The following GALNS variants were observed in gnomAD, a reference collection of about 807,000 sequenced individuals.
GALNS encodes N-acetylgalactosamine-6-sulfatase.
In GALNS, 65 loss-of-function variants were observed where a neutral mutation model predicts 65.9. That is an observed-to-expected ratio of 0.99 (90% CI 0.81 to 1.21). GALNS has a LOEUF of 1.21. Among genes scored for constraint, GALNS ranks in the 50% most tolerant of loss-of-function variants. GALNS has a pLI of 0.00. For synonymous variants in GALNS, 346 were observed against 288.9 expected (o/e 1.20, Z -2.00); for missense variants, 776 against 700.7 (o/e 1.11, Z -1.21).
At chr16:88,856,560 T>TGCC in intron 1 of GALNS, 198 bp downstream of exon 1, 2 of 548,316 alleles carry the variant, frequency 3.6e-6, no homozygotes, top group African/African-American at 3.0e-5. Flanking sequence ...CCGAGGGGCC[T>TGCC]CCCCCTCCCC....
At chr16:88,853,498 A>G (rs1967605271) in intron 1 of GALNS, among the ~76,000 whole-genome samples, 1 of 152,164 alleles carries the variant, frequency 6.6e-6, no homozygotes, top group African/African-American at 2.4e-5. Context: ...CTGCTGTGGC[A>G]ACAGGAGCTG....
chr16:88,818,835 G>A (rs112943907), intron 12 of GALNS, among the ~76,000 whole-genome samples: 33 of 152,376 alleles, frequency 2.2e-4, no homozygotes, highest in African/African-American at 7.7e-4. Context: ...TAGCGGAGAT[G>A]CAGGGAGGAA....
At position 88,816,862 on chromosome 16, in the gene GALNS, C is replaced by T. The variant is rs139802777; in HGVS notation, c.1482+1145G>A. On this transcript the variant is annotated intron_variant, in intron 13 of 13. Transcript: ENST00000268695. Reference sequence around the variant, plus strand: ...TGCAGCTGCCGAGGGGCCTTCTTCCCGAATCCTGCGCGGCAGATCCAGGGG... The same window carrying T: ...TGCAGCTGCCGAGGGGCCTTCTTCCTGAATCCTGCGCGGCAGATCCAGGGG... 45 of 985,456 alleles carry T rather than the reference C, an allele frequency of 4.6e-5. No homozygotes were observed. In the African/African-American group the frequency reaches 6.6e-4, roughly 15 times the overall value. The allele number at this position is 985,456 out of a possible 1,614,324, so 61.0% of individuals were successfully genotyped here. A position where few individuals can be genotyped will look rare whatever the true frequency, so the allele number is the denominator to read the frequency against.
At chr16:88,827,069 C>T in intron 9 of GALNS, 1 of 598,710 alleles carries the variant, frequency 1.7e-6, no homozygotes. Flanking sequence ...CACTCCCTGG[C>T]ACCCTTCTCT....
In GALNS at chr16:88,828,442, C is replaced by T. The variant is rs368230329; in HGVS notation, c.1003-1604G>A. 1.8e-4 allele frequency among the ~76,000 whole-genome samples: 27 copies of T among 152,348 alleles called. No individual in the cohort carries two copies. In the East Asian group the frequency reaches 2.3e-3, roughly 13 times the overall value. ...TTATCAGCGCTTTCGAGACTTCACT[C>T]AGAATCCAGGGCTGCAGGGACTAAA... On this transcript the variant is annotated intron_variant, in intron 9 of 13. Coordinates refer to ENST00000268695, the MANE Select transcript of GALNS (RefSeq NM_000512.5).
At chr16:88,840,791 C>T in intron 4 of GALNS, 1 of 619,894 alleles carries the variant, frequency 1.6e-6, no homozygotes, top group Non-Finnish European at 2.9e-6. Context: ...GTGGGACCAG[C>T]CTGGTGACCT....
At chr16:88,838,165 G>A (rs906660832) in intron 4 of GALNS, among the ~76,000 whole-genome samples, 4 of 152,186 alleles carry the variant, frequency 2.6e-5, no homozygotes, top group Non-Finnish European at 5.9e-5. Context: ...ACCCAAGTGT[G>A]TCTCCTCTGG....
At chr16:88,827,169 C>CT (rs1259211964) in intron 9 of GALNS, 1 of 453,762 alleles carries the variant, frequency 2.2e-6, no homozygotes, top group Non-Finnish European at 4.1e-6. Context: ...CAGCCTCGCT[C>CT]TAACACTGAA....
intron 8 of GALNS, among the ~76,000 whole-genome samples, chr16:88,834,341 G>A (rs938017326): frequency 6.9e-6 from 1 of 145,784 alleles, no homozygotes; most frequent in Non-Finnish European, 1.5e-5. Flanking sequence ...ACGTGGTCTG[G>A]GAAGAGGCTG....
rs552476248 is a variant in GALNS, at chr16:88,841,982, G to A, written c.245-11C>T. The A allele has an allele frequency of 9.9e-6, 16 of 1,608,946 alleles. No homozygotes were observed. The African/African-American group carries it at 1.2e-4, about 12-fold the overall frequency. Reference sequence around the variant, plus strand: ...GCAGTGCCGCCCTCGCTATGTGGAGGTGACAGAAACAGAAACTGGATAAGA... The same window carrying A: ...GCAGTGCCGCCCTCGCTATGTGGAGATGACAGAAACAGAAACTGGATAAGA... On this transcript the variant is annotated splice_polypyrimidine_tract_variant and intron_variant, in intron 2 of 13. Transcript: ENST00000268695.
chr16:88,828,991 G>C (rs7199245), intron 9 of GALNS, among the ~76,000 whole-genome samples: 1 of 110,808 alleles, frequency 9.0e-6, no homozygotes, highest in South Asian at 2.7e-4. Flanking sequence ...GCGGGTCCCG[G>C]GTCTCACGCC....
At chr16:88,828,388 T>G (rs967901987) in intron 9 of GALNS, among the ~76,000 whole-genome samples, 1 of 152,176 alleles carries the variant, frequency 6.6e-6, no homozygotes, top group African/African-American at 2.4e-5. Context: ...AGTGGGCAGC[T>G]GCGGCTGTGG....
chr16:88,824,108 C>T (rs1910546019), intron 11 of GALNS, among the ~76,000 whole-genome samples: 1 of 152,118 alleles, frequency 6.6e-6, no homozygotes, highest in Admixed American at 6.5e-5. Flanking sequence ...CCAATTAAGG[C>T]AGATTAGCAG....
intron 1 of GALNS, chr16:88,855,786 T>C: frequency 1.9e-6 from 1 of 525,088 alleles, no homozygotes. Flanking sequence ...GTGTGGCCCG[T>C]GGCCCCCACT....
intron 10 of GALNS, among the ~76,000 whole-genome samples, chr16:88,825,115 G>A (rs1209696966): frequency 1.2e-3 from 144 of 124,654 alleles, no homozygotes; most frequent in Admixed American, 2.9e-3. Flanking sequence ...GCGCCTGGGT[G>A]TCTGGGGCTG....
At chr16:88,816,118 G>C in intron 13 of GALNS, 2 of 984,632 alleles carry the variant, frequency 2.0e-6, no homozygotes, top group Non-Finnish European at 2.4e-6. Flanking sequence ...CGCCAGGTCT[G>C]AGTTGGCACT....
intron 8 of GALNS, among the ~76,000 whole-genome samples, chr16:88,832,986 G>A (rs774104345): frequency 9.9e-5 from 15 of 151,022 alleles, no homozygotes; most frequent in Non-Finnish European, 2.1e-4. Context: ...GCTGAGGTGG[G>A]AGGATTGCTG....
intron 12 of GALNS, among the ~76,000 whole-genome samples, chr16:88,821,419 C>T (rs1375340364): frequency 6.6e-6 from 1 of 152,240 alleles, no homozygotes; most frequent in Admixed American, 6.5e-5. Context: ...TACTTCCCTT[C>T]AGGCCAAGCT....
At chr16:88,816,436 C>A in intron 13 of GALNS, 1 of 985,412 alleles carries the variant, frequency 1.0e-6, no homozygotes, top group Non-Finnish European at 1.2e-6. Context: ...ACCACTGAGT[C>A]CAGAGGCGGG....
Sources: allele counts gnomAD v4.1 joint callset (sites outside exome capture counted in the v4.1 genomes callset), GRCh38; gene constraint gnomAD v4.1.1; transcripts MANE v1.5; gene names NCBI Gene and HGNC (gene_info 2026-07-23, HGNC 2026-07-21).